The following ALDH1A2 variants were observed in gnomAD, a reference collection of about 807,000 sequenced individuals.
ALDH1A2 encodes retinal dehydrogenase 2.
ALDH1A2 carries 27 observed loss-of-function variants against 60.3 expected under a neutral mutation model. The ratio of observed to expected loss-of-function variants is 0.45; its 90% CI spans 0.33 to 0.62. ALDH1A2 has a LOEUF of 0.62. Ranked by LOEUF, ALDH1A2 falls within the 20% of genes least tolerant of loss-of-function variation. The pLI is 0.02. For synonymous variants in ALDH1A2, 289 were observed against 232.4 expected (o/e 1.24, Z -2.21); for missense variants, 581 against 643.8 (o/e 0.90, Z 1.06).
At chr15:57,995,284 A>G (rs1361162381) in intron 4 of ALDH1A2, 145 bp from the exon 5 acceptor site, 1 of 673,746 alleles carries the variant, frequency 1.5e-6, no homozygotes, top group Non-Finnish European at 2.6e-6. Context: ...CGTGCATGAA[A>G]GCTGGTAGAA....
At chr15:57,997,635 A>T (rs1895109135) in intron 4 of ALDH1A2, among the ~76,000 whole-genome samples, 2 of 152,030 alleles carry the variant, frequency 1.3e-5, no homozygotes, top group African/African-American at 4.8e-5. Context: ...TATGATGCTT[A>T]GACATTTAGT....
intron 1 of ALDH1A2, among the ~76,000 whole-genome samples, chr15:58,040,385 A>G (rs12912093): frequency 0.48 from 72,845 of 151,772 alleles, 17,951 homozygotes; most frequent in Non-Finnish European, 0.54. Flanking sequence ...TCTAGGGAGC[A>G]GAATTTCCTC....
intron 1 of ALDH1A2, among the ~76,000 whole-genome samples, chr15:58,040,788 A>G (rs910411445): frequency 4.6e-5 from 7 of 151,922 alleles, no homozygotes; most frequent in South Asian, 2.1e-4. Flanking sequence ...AAATGTTAAC[A>G]TTTGCGTGCT....
At chr15:58,026,913 G>A (rs1431872422) in intron 1 of ALDH1A2, among the ~76,000 whole-genome samples, 1 of 152,200 alleles carries the variant, frequency 6.6e-6, no homozygotes, top group Non-Finnish European at 1.5e-5. Flanking sequence ...AAGCCCTACT[G>A]CCTCTCTAGA....
At chr15:58,004,916 G>T (rs890647612) in intron 4 of ALDH1A2, among the ~76,000 whole-genome samples, 1 of 151,128 alleles carries the variant, frequency 6.6e-6, no homozygotes, top group Non-Finnish European at 1.5e-5. Context: ...CCATGTTCAT[G>T]GATTAGAAGA....
chr15:57,975,826 G>C (rs922786604), intron 7 of ALDH1A2, among the ~76,000 whole-genome samples: 3 of 151,436 alleles, frequency 2.0e-5, no homozygotes, highest in African/African-American at 7.3e-5. Flanking sequence ...GGTGGGGGTG[G>C]AGAGAGAGAT....
intron 1 of ALDH1A2, among the ~76,000 whole-genome samples, chr15:58,024,543 C>T (rs895450347): frequency 6.6e-6 from 1 of 152,074 alleles, no homozygotes; most frequent in East Asian, 1.9e-4. Flanking sequence ...GTATCAAACA[C>T]TGGAGCACCC....
intron 7 of ALDH1A2, among the ~76,000 whole-genome samples, chr15:57,988,289 T>C (rs1302893287): frequency 6.6e-6 from 1 of 152,146 alleles, no homozygotes. Context: ...GAGGTGCATA[T>C]TGTACACACT....
intron 12 of ALDH1A2, among the ~76,000 whole-genome samples, chr15:57,956,072 C>A (rs1280218996): frequency 6.6e-6 from 1 of 152,142 alleles, no homozygotes; most frequent in Non-Finnish European, 1.5e-5. Context: ...ACTGGGAGGA[C>A]AAGGGGCTTG....
At chr15:58,006,556 G>A (rs1357015494) in intron 4 of ALDH1A2, among the ~76,000 whole-genome samples, 1 of 151,818 alleles carries the variant, frequency 6.6e-6, no homozygotes, top group Non-Finnish European at 1.5e-5. Flanking sequence ...TGGACCAAAT[G>A]GTAGTGCCAC....
At chr15:58,040,171 C>T (rs1263595501) in intron 1 of ALDH1A2, among the ~76,000 whole-genome samples, 2 of 151,886 alleles carry the variant, frequency 1.3e-5, no homozygotes, top group Admixed American at 1.3e-4. Flanking sequence ...GCAACCACAC[C>T]TGCCTGACAG....
intron 1 of ALDH1A2, among the ~76,000 whole-genome samples, chr15:58,032,287 T>C (rs1025403848): frequency 6.6e-6 from 1 of 151,816 alleles, no homozygotes; most frequent in Non-Finnish European, 1.5e-5. Context: ...TTCTCACTCA[T>C]AGGTGGGAAT....
chr15:58,004,497 T>TC (rs1341191516), intron 4 of ALDH1A2, among the ~76,000 whole-genome samples: 1 of 151,630 alleles, frequency 6.6e-6, no homozygotes, highest in Non-Finnish European at 1.5e-5. Flanking sequence ...TTTTGAAGGC[T>TC]CCCAATGTGT....
chr15:58,032,324 G>A (rs1310343013), intron 1 of ALDH1A2, among the ~76,000 whole-genome samples: 12 of 151,998 alleles, frequency 7.9e-5, no homozygotes, highest in Non-Finnish European at 1.5e-4. Flanking sequence ...ATGGACACAG[G>A]AAGGGGAACA....
In ALDH1A2 at chr15:57,965,768, T is replaced by C; in HGVS notation, c.858A>G (p.Glu286=). 17 of 1,614,194 alleles carry C rather than the reference T, an allele frequency of 1.1e-5. No individual in the cohort carries two copies. Among genetic ancestry groups the C allele is most frequent in the Non-Finnish European group, 1.4e-5 (17 of 1,180,010 alleles). The part of the protein sequence containing the change: ...GRSNLKRVTL[E]LGGKSPNIIF... Reference sequence around the variant, plus strand: ...TAATATTAGGACTTTTGCCTCCAAGTTCCAGAGTTACTCTCTTCAAATTAC... The same window carrying C: ...TAATATTAGGACTTTTGCCTCCAAGCTCCAGAGTTACTCTCTTCAAATTAC... The change falls in exon 8 of 13, where the codon GAA becomes GAG. Residue 286 remains glutamate, a synonymous_variant. Transcript: ENST00000249750.
At chr15:58,025,463 A>T (rs1238664624) in intron 1 of ALDH1A2, among the ~76,000 whole-genome samples, 1 of 152,226 alleles carries the variant, frequency 6.6e-6, no homozygotes, top group Non-Finnish European at 1.5e-5. Flanking sequence ...TTGAATCAGG[A>T]AGAAACAGAA....
intron 1 of ALDH1A2, among the ~76,000 whole-genome samples, chr15:58,045,136 A>G (rs1478305726): frequency 6.6e-6 from 1 of 152,142 alleles, no homozygotes; most frequent in Non-Finnish European, 1.5e-5. Flanking sequence ...GCCAACAAAC[A>G]TATGAAAAAA....
intron 1 of ALDH1A2, among the ~76,000 whole-genome samples, chr15:58,051,655 C>A (rs758977312): frequency 1.3e-5 from 2 of 152,106 alleles, no homozygotes; most frequent in Non-Finnish European, 2.9e-5. Flanking sequence ...TTTGCAGTGG[C>A]CCCATATGGC....
At chr15:58,042,321 T>A (rs1004893052) in intron 1 of ALDH1A2, among the ~76,000 whole-genome samples, 3 of 151,952 alleles carry the variant, frequency 2.0e-5, no homozygotes, top group Non-Finnish European at 4.4e-5. Context: ...TATCATACTG[T>A]CCTGTAATAC....
Sources: gnomAD v4.1 joint callset for allele counts (sites outside exome capture counted in the v4.1 genomes callset) on GRCh38, gnomAD v4.1.1 for gene constraint, MANE v1.5 for transcripts, NCBI Gene and HGNC (gene_info 2026-07-23, HGNC 2026-07-21) for gene names.